TAMM41: variants seen among roughly 807,000 people sequenced by gnomAD.
The protein encoded by TAMM41 is TAM41 mitochondrial translocator assembly and maintenance homolog, also known as phosphatidate cytidylyltransferase, mitochondrial.
TAMM41 carries 36 observed loss-of-function variants against 44.1 expected under a neutral mutation model. The ratio of observed to expected loss-of-function variants is 0.82; its 90% confidence interval spans 0.63 to 1.08. TAMM41 has a LOEUF of 1.08. TAMM41 is among the 50% of genes least tolerant of loss of function. The pLI is 0.00. For synonymous variants in TAMM41, 164 were observed against 153.1 expected (o/e 1.07, Z -0.53); for missense variants, 417 against 404.3 (o/e 1.03, Z -0.27).
At chr3:11,733,823 G>T in the TAMM41 span, among the ~76,000 whole-genome samples, 1 of 151,910 alleles carries the variant, frequency 6.6e-6, no homozygotes, top group African/African-American at 2.4e-5. Flanking sequence ...TTAAATTTTC[G>T]TTTCCAAGTC....
rs1020526226 is a variant in TAMM41 at position 11,846,808 on chromosome 3, G to A, written c.-172C>T. On this transcript the variant is annotated 5_prime_UTR_variant, in exon 1 of 8. Transcript: ENST00000455809. The stretch of plus-strand genomic sequence containing the variant: ...AGCACACGCAAGGATTGGGGCGTTG[G>A]GCCACGAAGAGCAGCGGCGAGAAGA... 15 of 814,022 alleles carry A rather than the reference G, an allele frequency of 1.8e-5. No individual in the cohort carries two copies. The highest frequency in any genetic ancestry group is 3.5e-5 in the South Asian group (2 of 56,664). The allele number at this position is 814,022 out of a possible 1,614,324, so 50.4% of individuals were successfully genotyped here. A position where few individuals can be genotyped will look rare whatever the true frequency, so the allele number is the denominator to read the frequency against.
At chr3:11,838,687 A>C (rs1458026369) in intron 3 of TAMM41, among the ~76,000 whole-genome samples, 1 of 149,722 alleles carries the variant, frequency 6.7e-6, no homozygotes, top group Admixed American at 6.6e-5. Context: ...CCAACCCAGA[A>C]GTTCTCAGAA....
chr3:11,763,207 T>C, the TAMM41 span, among the ~76,000 whole-genome samples: 1 of 152,238 alleles, frequency 6.6e-6, no homozygotes, highest in African/African-American at 2.4e-5. Flanking sequence ...GGCCTGATCA[T>C]GGCTCACTGC....
chr3:11,732,860 A>G, the TAMM41 span, among the ~76,000 whole-genome samples: 1 of 152,164 alleles, frequency 6.6e-6, no homozygotes, highest in Non-Finnish European at 1.5e-5. Context: ...CATAGGAAAT[A>G]GGGGTTGGGG....
At chr3:11,807,371 G>T (rs1404688247) in intron 7 of TAMM41, 1 of 1,497,612 alleles carries the variant, frequency 6.7e-7, no homozygotes, top group Admixed American at 2.2e-5. Flanking sequence ...GTCAATAGAT[G>T]ATACCTAAAG....
chr3:11,739,056 AGCCCTTTTGT>A, the TAMM41 span, among the ~76,000 whole-genome samples: 1 of 152,198 alleles, frequency 6.6e-6, no homozygotes. Flanking sequence ...CAACATGACA[AGCCCTTTTGT>A]GCCTCTATGC....
chr3:11,819,202 A>C (rs1294301856), intron 4 of TAMM41, among the ~76,000 whole-genome samples: 1 of 152,196 alleles, frequency 6.6e-6, no homozygotes, highest in African/African-American at 2.4e-5. Flanking sequence ...GAGCAAGCTT[A>C]AAGAAATAAG....
intron 2 of TAMM41, among the ~76,000 whole-genome samples, chr3:11,840,318 C>T (rs191832402): frequency 1.7e-4 from 26 of 152,012 alleles, no homozygotes; most frequent in East Asian, 5.8e-4. Context: ...CCACAACCTC[C>T]GCCTCCTGGG....
At chr3:11,728,775 G>A in the TAMM41 span, among the ~76,000 whole-genome samples, 5 of 152,104 alleles carry the variant, frequency 3.3e-5, no homozygotes, top group Non-Finnish European at 7.3e-5. Flanking sequence ...TTGGGAGGCC[G>A]AGGCGGGCGG....
chr3:11,739,050 A>G, the TAMM41 span, among the ~76,000 whole-genome samples: 1 of 152,152 alleles, frequency 6.6e-6, no homozygotes, highest in Non-Finnish European at 1.5e-5. Context: ...TGTCTCCAAC[A>G]TGACAAGCCC....
the TAMM41 span, among the ~76,000 whole-genome samples, chr3:11,723,597 A>T: frequency 5.3e-5 from 8 of 149,988 alleles, no homozygotes; most frequent in Non-Finnish European, 1.2e-4. Flanking sequence ...AAAAAAAAAC[A>T]AAAACAAAAA....
chr3:11,818,179 G>C (rs2133061), intron 4 of TAMM41, among the ~76,000 whole-genome samples: 86,065 of 152,014 alleles, frequency 0.57, 26,313 homozygotes, highest in African/African-American at 0.77. Flanking sequence ...GTTGGAGAGG[G>C]AGCAAATTGT....
chr3:11,786,167 T>C (rs1277547095), downstream of TAMM41, among the ~76,000 whole-genome samples: 2 of 152,124 alleles, frequency 1.3e-5, no homozygotes, highest in East Asian at 1.9e-4. Flanking sequence ...GCAGCTTCTC[T>C]GCACGTAATC....
intron 7 of TAMM41, among the ~76,000 whole-genome samples, chr3:11,800,776 C>A (rs1446183021): frequency 6.6e-6 from 1 of 152,156 alleles, no homozygotes; most frequent in Admixed American, 6.6e-5. Context: ...AAAAAATTAA[C>A]AAAGAAACAC....
chr3:11,831,331 G>A (rs1198215323), intron 3 of TAMM41, among the ~76,000 whole-genome samples: 2 of 152,158 alleles, frequency 1.3e-5, no homozygotes, highest in Non-Finnish European at 2.9e-5. Flanking sequence ...GAGAATTACT[G>A]CTCTAAGGTG....
chr3:11,755,111 C>T, the TAMM41 span, among the ~76,000 whole-genome samples: 5 of 150,972 alleles, frequency 3.3e-5, no homozygotes, highest in Non-Finnish European at 7.4e-5. Flanking sequence ...CCCTCAAATA[C>T]AGGCCTCCCC....
At chr3:11,774,225 CTT>C in the TAMM41 span, among the ~76,000 whole-genome samples, 1 of 152,234 alleles carries the variant, frequency 6.6e-6, no homozygotes, top group South Asian at 2.1e-4. Context: ...TGAACGCACA[CTT>C]TGTGCACAGG....
the TAMM41 span, among the ~76,000 whole-genome samples, chr3:11,764,336 T>C: frequency 6.6e-6 from 1 of 151,948 alleles, no homozygotes; most frequent in Admixed American, 6.6e-5. Context: ...TGTGTGTGCC[T>C]GGGGTCAGGG....
At chr3:11,735,558 T>A in the TAMM41 span, among the ~76,000 whole-genome samples, 1 of 151,442 alleles carries the variant, frequency 6.6e-6, no homozygotes, top group Admixed American at 6.6e-5. Flanking sequence ...TCACTTGAGC[T>A]TGGGAGGTGG....
Sources: allele counts gnomAD v4.1 joint callset (sites outside exome capture counted in the v4.1 genomes callset), GRCh38; gene constraint gnomAD v4.1.1; transcripts MANE v1.5; gene names NCBI Gene and HGNC (gene_info 2026-07-23, HGNC 2026-07-21).